Variants in ARHGAP36 observed in about 807,000 individuals in gnomAD.
ARHGAP36 encodes Rho GTPase activating protein 36.
In ARHGAP36, 7 loss-of-function variants were observed where a neutral mutation model predicts 32.9. The ratio of observed to expected loss-of-function variants is 0.21; its 90% CI spans 0.12 to 0.40. The LOEUF (loss-of-function observed/expected upper bound fraction) is 0.40. Ranked by LOEUF, ARHGAP36 falls within the 10% of genes least tolerant of loss-of-function variation. The pLI is 1.00. For missense variants in ARHGAP36, 383 were observed against 442.2 expected, an observed-to-expected ratio of 0.87 and a Z score of 1.20; for synonymous variants, 165 against 168.3, an observed-to-expected ratio of 0.98 and a Z score of 0.15.
In ARHGAP36 at chrX:131,083,942, C is replaced by G; in HGVS notation, c.528C>G (p.Pro176=). Residue 176 remains proline, a synonymous_variant, in exon 4 of 12, where the codon CCC becomes CCG. Transcript: ENST00000276211. ...FSRRRNEPTL[P]REFTRRGRRG... is the part of the protein sequence containing the mutation. ...GCAGGCGGAATGAGCCCACCTTGCCCCGGGAGTTCACTCGCCGTGGGCGTC... is the reference window on the plus strand; with the variant it reads ...GCAGGCGGAATGAGCCCACCTTGCCGCGGGAGTTCACTCGCCGTGGGCGTC... 2.5e-6 allele frequency: 3 copies of G among 1,211,629 alleles called. No individual in the cohort carries two copies. The highest frequency in any genetic ancestry group is 3.4e-6 in the Non-Finnish European group (3 of 895,523).
At chrX:131,070,142 AAG>A (rs1311358620) in intron 1 of ARHGAP36, among the ~76,000 whole-genome samples, 3 of 112,395 alleles carry the variant, frequency 2.7e-5, no homozygotes, top group Non-Finnish European at 3.8e-5. Flanking sequence ...CCATTGGACA[AAG>A]AGTTATTCCA....
chrX:131,071,892 G>A (rs936579032), intron 1 of ARHGAP36, among the ~76,000 whole-genome samples: 2 of 111,533 alleles, frequency 1.8e-5, no homozygotes, highest in African/African-American at 3.3e-5. Context: ...AATTCAATTG[G>A]GGGGGGTGTA....
intron 1 of ARHGAP36, among the ~76,000 whole-genome samples, chrX:131,071,182 G>GAGAC (rs1194395989): frequency 9.2e-6 from 1 of 108,483 alleles, no homozygotes; most frequent in Non-Finnish European, 1.9e-5. Flanking sequence ...GAGAGAGAGA[G>GAGAC]AGACAGAGAC....
intron 4 of ARHGAP36, 76 bp from the exon 5 acceptor site, chrX:131,084,139 A>G (rs2079821741): frequency 2.8e-6 from 3 of 1,065,834 alleles, no homozygotes; most frequent in Non-Finnish European, 3.8e-6. Context: ...CCTGAATGTC[A>G]TACATACAGT....
intron 1 of ARHGAP36, among the ~76,000 whole-genome samples, chrX:131,061,608 G>A (rs2079669372): frequency 9.0e-6 from 1 of 111,602 alleles, no homozygotes; most frequent in Non-Finnish European, 1.9e-5. Flanking sequence ...TCGATTTGCT[G>A]AGGCCAGGCC....
chrX:131,075,189 T>C (rs1482996360), intron 1 of ARHGAP36, among the ~76,000 whole-genome samples: 1 of 112,332 alleles, frequency 8.9e-6, no homozygotes, highest in Non-Finnish European at 1.9e-5. Flanking sequence ...CATAGAAATG[T>C]ACCCTTTGGA....
At position 131,081,835 on chromosome X, in the gene ARHGAP36, A is replaced by G; in HGVS notation, c.170A>G (p.Glu57Gly). 1 of 1,211,944 alleles carries G rather than the reference A, an allele frequency of 8.3e-7. No homozygotes were observed. The highest frequency in any genetic ancestry group is 1.1e-6 in the Non-Finnish European group (1 of 895,568). ...TKMVSIHSLS[E>G]LERLKLQETA... Reference sequence around the variant, plus strand: ...ATGGTATCGATACACAGCCTCTCTGAGCTGGAGCGTCTGAAGCTGCAAGAG... The same window carrying G: ...ATGGTATCGATACACAGCCTCTCTGGGCTGGAGCGTCTGAAGCTGCAAGAG... Residue 57 changes from glutamate to glycine, a missense_variant, in exon 2 of 12, where the codon GAG becomes GGG. Glu to Gly is a moderately conservative substitution (Grantham distance 98). Transcript: ENST00000276211.
intron 9 of ARHGAP36, 49 bp from the exon 10 acceptor site, chrX:131,086,280 T>A (rs749371876): frequency 8.5e-7 from 1 of 1,171,454 alleles, no homozygotes; most frequent in Non-Finnish European, 1.2e-6. Context: ...TGAGTATAAA[T>A]GAAAAGGTGC....
intron 4 of ARHGAP36, 95 bp downstream of exon 4, chrX:131,084,064 G>A (rs1019512221): frequency 5.1e-5 from 54 of 1,068,093 alleles, no homozygotes; most frequent in South Asian, 4.2e-4. Context: ...TCAGAGGCAG[G>A]GGGGAGCTGA....
chrX:131,070,114 A>T (rs1457811769), intron 1 of ARHGAP36, among the ~76,000 whole-genome samples: 3 of 112,368 alleles, frequency 2.7e-5, no homozygotes, highest in African/African-American at 9.7e-5. Flanking sequence ...GAGTTATTCC[A>T]TTGGACAAAG....
chrX:131,077,550 A>G (rs1356858262), intron 1 of ARHGAP36, among the ~76,000 whole-genome samples: 2 of 110,205 alleles, frequency 1.8e-5, no homozygotes, highest in African/African-American at 6.7e-5. Context: ...AGTCCTCACA[A>G]TGTTGAAGTG....
chrX:131,079,083 G>C (rs1417714422), intron 1 of ARHGAP36, among the ~76,000 whole-genome samples: 1 of 111,895 alleles, frequency 8.9e-6, no homozygotes, highest in South Asian at 3.8e-4. Context: ...AGAAGAAATA[G>C]CTGAAACTCC....
At position 131,081,597 on chromosome X, in the gene ARHGAP36, C is replaced by A; in HGVS notation, c.-69C>A. On this transcript the variant is annotated 5_prime_UTR_variant, in exon 2 of 12. Transcript: ENST00000276211. Reference sequence around the variant, plus strand: ...TTTTCCCTCCCCCTCTACCCCCACCCCCATAGTTCTCTCCACCAGGTCCAG... The same window carrying A: ...TTTTCCCTCCCCCTCTACCCCCACCACCATAGTTCTCTCCACCAGGTCCAG... 3.4e-6 allele frequency: 4 copies of A among 1,159,784 alleles called. No homozygotes were observed. Among genetic ancestry groups the A allele is most frequent in the East Asian group, 3.0e-5 (1 of 32,879 alleles).
chrX:131,065,352 G>A (rs1046884077), intron 1 of ARHGAP36, among the ~76,000 whole-genome samples: 3 of 111,491 alleles, frequency 2.7e-5, no homozygotes, highest in African/African-American at 9.8e-5. Flanking sequence ...GGATTTAGAT[G>A]GGTAGTCTAG....
In ARHGAP36 at chrX:131,074,439, A is replaced by ATG. The variant is rs34611942; in HGVS notation, c.-142-7069_-142-7068dup. On this transcript the variant is annotated intron_variant, in intron 1 of 11. Coordinates refer to ENST00000276211, the MANE Select transcript of ARHGAP36 (RefSeq NM_144967.4). ...TACATGGATGTCTGTGAGTGGGAATATGTGTGTGTGTGTGTGTCTGAAAGG... is the reference window on the plus strand; with the variant it reads ...TACATGGATGTCTGTGAGTGGGAATATGTGTGTGTGTGTGTGTGTCTGAAAGG... Among the ~76,000 whole-genome samples, 214 of 107,501 alleles carry ATG rather than the reference A, an allele frequency of 2.0e-3. 1 individual carries two copies. Among genetic ancestry groups the ATG allele is most frequent in the East Asian group, 0.01 (34 of 3,393 alleles). The allele number at this position is 107,501 out of a possible 115,157, so 93.4% of individuals were successfully genotyped here. A position where few individuals can be genotyped will look rare whatever the true frequency, so the allele number is the denominator to read the frequency against.
intron 1 of ARHGAP36, among the ~76,000 whole-genome samples, chrX:131,070,776 A>C (rs1350820950): frequency 9.2e-6 from 1 of 108,770 alleles, no homozygotes; most frequent in Non-Finnish European, 1.9e-5. Flanking sequence ...TTGTGTATGT[A>C]TGTTACCAGG....
At chrX:131,079,362 G>C (rs1235052667) in intron 1 of ARHGAP36, among the ~76,000 whole-genome samples, 1 of 111,506 alleles carries the variant, frequency 9.0e-6, no homozygotes, top group Non-Finnish European at 1.9e-5. Context: ...GAGCTTTGCA[G>C]TTGAAGGTTT....
intron 1 of ARHGAP36, among the ~76,000 whole-genome samples, chrX:131,075,678 T>A (rs990367244): frequency 9.2e-6 from 1 of 109,256 alleles, no homozygotes; most frequent in Non-Finnish European, 1.9e-5. Context: ...TCTTTCTATC[T>A]TCATTTCCCA....
intron 2 of ARHGAP36, 122 bp from the exon 3 acceptor site, chrX:131,083,043 G>C (rs2079812819): frequency 6.2e-6 from 4 of 642,050 alleles, no homozygotes; most frequent in Non-Finnish European, 7.0e-6. Flanking sequence ...CTTTTCGCCC[G>C]CTGGGCAGAG....
Sources: gnomAD v4.1 joint callset for allele counts (sites outside exome capture counted in the v4.1 genomes callset) on GRCh38, gnomAD v4.1.1 for gene constraint, MANE v1.5 for transcripts, NCBI Gene and HGNC (gene_info 2026-07-23, HGNC 2026-07-21) for gene names.